The following PDXDC1 variants were observed in gnomAD, a reference collection of about 807,000 sequenced individuals.
PDXDC1 encodes the protein pyridoxal dependent decarboxylase domain containing 1, also known as pyridoxal-dependent decarboxylase domain-containing protein 1.
A neutral mutation model predicts 100.1 loss-of-function variants in PDXDC1; 42 were observed. The ratio of observed to expected loss-of-function variants is 0.42; its 90% confidence interval spans 0.33 to 0.54. The LOEUF (loss-of-function observed/expected upper bound fraction) is 0.54. Ranked by LOEUF, PDXDC1 falls within the 20% of genes least tolerant of loss-of-function variation. PDXDC1 has a pLI of 0.10. For synonymous variants in PDXDC1, 260 were observed against 371.7 expected (o/e 0.70, Z 3.46); for missense variants, 636 against 979.2 (o/e 0.65, Z 4.68).
chr16:15,128,398 C>A (rs1401830012), intron 16 of PDXDC1: 16 of 1,505,044 alleles, frequency 1.1e-5, no homozygotes, highest in Non-Finnish European at 1.3e-5. Flanking sequence ...ACCTGGAGGG[C>A]AAGAGGGAGG....
At chr16:14,999,213 C>T (rs1972629419) in intron 3 of PDXDC1, among the ~76,000 whole-genome samples, 1 of 152,278 alleles carries the variant, frequency 6.6e-6, no homozygotes, top group Non-Finnish European at 1.5e-5. Flanking sequence ...ATTATAGGCA[C>T]CCACCACCAC....
intron 16 of PDXDC1, among the ~76,000 whole-genome samples, chr16:15,089,907 TA>T (rs1336018521): frequency 1.3e-5 from 2 of 149,254 alleles, no homozygotes; most frequent in Non-Finnish European, 3.0e-5. Context: ...ATACAAGGCT[TA>T]AAAAAGTAAG....
At chr16:14,996,844 G>A (rs1443130283) in intron 1 of PDXDC1, among the ~76,000 whole-genome samples, 3 of 152,300 alleles carry the variant, frequency 2.0e-5, no homozygotes, top group Admixed American at 6.5e-5. Context: ...GTAACAGAGC[G>A]ACTGCCTCAA....
intron 16 of PDXDC1, among the ~76,000 whole-genome samples, chr16:15,124,099 G>C (rs2047571644): frequency 6.6e-6 from 1 of 152,202 alleles, no homozygotes; most frequent in Non-Finnish European, 1.5e-5. Context: ...TGCATTTCAA[G>C]AAACAAAGTT....
At chr16:15,078,037 T>C (rs1439366433) in intron 16 of PDXDC1, among the ~76,000 whole-genome samples, 1 of 152,232 alleles carries the variant, frequency 6.6e-6, no homozygotes, top group African/African-American at 2.4e-5. Context: ...TATTTTGGTA[T>C]ATCACCATTC....
intron 16 of PDXDC1, among the ~76,000 whole-genome samples, chr16:15,069,377 A>T (rs2045125187): frequency 6.6e-6 from 1 of 152,192 alleles, no homozygotes. Flanking sequence ...GACCCACAAA[A>T]CCATAAGAAT....
At chr16:15,086,659 T>G (rs538539460) in intron 16 of PDXDC1, among the ~76,000 whole-genome samples, 1 of 152,210 alleles carries the variant, frequency 6.6e-6, no homozygotes, top group East Asian at 1.9e-4. Context: ...CTAGTAACTC[T>G]AATACACAGG....
chr16:15,133,170 G>C (rs1442927556), intron 16 of PDXDC1: 1 of 925,070 alleles, frequency 1.1e-6, no homozygotes. Flanking sequence ...TGGGGCCCGG[G>C]ATAAGCCCTC....
intron 16 of PDXDC1, among the ~76,000 whole-genome samples, chr16:15,124,513 G>A (rs1427752111): frequency 4.6e-5 from 7 of 151,858 alleles, no homozygotes; most frequent in Admixed American, 2.0e-4. Flanking sequence ...GGTGGCTCAC[G>A]CCTGTAATCC....
chr16:15,000,857 C>A (rs1972986789), intron 3 of PDXDC1, among the ~76,000 whole-genome samples: 1 of 150,516 alleles, frequency 6.6e-6, no homozygotes, highest in Admixed American at 6.6e-5. Flanking sequence ...TGTTCTGTGA[C>A]TGTCTAGCAT....
At chr16:15,080,197 T>G in intron 16 of PDXDC1, 3 of 1,427,082 alleles carry the variant, frequency 2.1e-6, no homozygotes, top group South Asian at 3.0e-5. Flanking sequence ...TTCAAATATT[T>G]AAAAAGAAAA....
intron 16 of PDXDC1, among the ~76,000 whole-genome samples, chr16:15,064,808 A>G (rs564701373): frequency 2.0e-4 from 31 of 152,330 alleles, no homozygotes; most frequent in Middle Eastern, 3.4e-3. Flanking sequence ...ACAGCGAGGA[A>G]GGGCCACTTC....
downstream of PDXDC1, chr16:15,040,402 T>G: frequency 3.6e-6 from 1 of 279,990 alleles, no homozygotes. Flanking sequence ...CTGGGTGAAC[T>G]GTGATCGTTC....
At chr16:14,978,602 C>T (rs1422688561) in intron 1 of PDXDC1, among the ~76,000 whole-genome samples, 1 of 152,288 alleles carries the variant, frequency 6.6e-6, no homozygotes, top group East Asian at 1.9e-4. Flanking sequence ...ACTATATTGC[C>T]CAGGCTGGTC....
downstream of PDXDC1, among the ~76,000 whole-genome samples, chr16:15,042,534 T>G (rs758046486): frequency 2.0e-5 from 3 of 152,156 alleles, no homozygotes; most frequent in Non-Finnish European, 4.4e-5. Flanking sequence ...TATTTTCCCA[T>G]GTAATTCTCA....
rs1184308575 is a variant in PDXDC1 at position 15,090,838 on chromosome 16, G to GT, written c.1400-48040dup. The stretch of plus-strand genomic sequence containing the variant: ...ATTCAGCTTTTACTACATGATAGGT[G>GT]TATCTCGAACCTGGAAATGCTGAAT... On this transcript the variant is annotated intron_variant, in intron 16 of 16. Transcript: ENST00000535621. Among the ~76,000 whole-genome samples the GT allele has an allele frequency of 2.7e-5, 4 of 149,248 alleles. No individual in the cohort carries two copies. The East Asian group carries it at 5.9e-4, about 22-fold the overall frequency.
intron 16 of PDXDC1, among the ~76,000 whole-genome samples, chr16:15,089,786 CAAAAAAAA>C (rs142235345): frequency 3.0e-5 from 2 of 66,576 alleles, no homozygotes. Flanking sequence ...GGCGACAGAG[CAAAAAAAA>C]AAAAAAAAAA....
chr16:15,027,571 A>G (rs1232449436), intron 14 of PDXDC1, among the ~76,000 whole-genome samples: 1 of 152,290 alleles, frequency 6.6e-6, no homozygotes, highest in African/African-American at 2.4e-5. Context: ...ATTGAATGAA[A>G]GTAGCTCTCC....
chr16:15,142,226 G>A (rs891801445), downstream of PDXDC1, among the ~76,000 whole-genome samples: 42 of 152,240 alleles, frequency 2.8e-4, no homozygotes, highest in African/African-American at 9.6e-4. Flanking sequence ...GGTCAGCCGA[G>A]GACCCCAGAG....
Sources: allele counts gnomAD v4.1 joint callset (sites outside exome capture counted in the v4.1 genomes callset), GRCh38; gene constraint gnomAD v4.1.1; transcripts MANE v1.5; gene names NCBI Gene and HGNC (gene_info 2026-07-23, HGNC 2026-07-21).